The following ARB2A variants were observed in gnomAD, a reference collection of about 807,000 sequenced individuals.
ARB2A encodes cotranscriptional regulator ARB2A.
the ARB2A span, among the ~76,000 whole-genome samples, chr5:93,982,387 C>T: frequency 6.6e-6 from 1 of 152,006 alleles, no homozygotes; most frequent in Non-Finnish European, 1.5e-5. Context: ...TACCTATCTG[C>T]AGAAAGTAAA....
chr5:93,779,124 TGCGCGC>T, the ARB2A span, among the ~76,000 whole-genome samples: 35 of 146,392 alleles, frequency 2.4e-4, no homozygotes, highest in African/African-American at 8.0e-4. Context: ...TGTGTGTGTG[TGCGCGC>T]GCGCGCGCAC....
At chr5:93,805,233 C>T in the ARB2A span, 3 of 984,996 alleles carry the variant, frequency 3.0e-6, no homozygotes, top group Non-Finnish European at 3.6e-6. Flanking sequence ...ATCCTTTCTT[C>T]TATGATTTAA....
At chr5:94,071,382 A>G in the ARB2A span, among the ~76,000 whole-genome samples, 1 of 151,840 alleles carries the variant, frequency 6.6e-6, no homozygotes, top group African/African-American at 2.4e-5. Flanking sequence ...TATAAAAGAA[A>G]AAATTGATAA....
At chr5:93,648,274 C>G in the ARB2A span, among the ~76,000 whole-genome samples, 5 of 151,756 alleles carry the variant, frequency 3.3e-5, no homozygotes, top group Admixed American at 2.6e-4. Context: ...TTCAGAGTGA[C>G]AACACTAATT....
At chr5:93,784,630 A>C in the ARB2A span, 1 of 630,176 alleles carries the variant, frequency 1.6e-6, no homozygotes, top group Non-Finnish European at 2.7e-6. Context: ...GTTCAAAGTT[A>C]CTCTTTTTTT....
the ARB2A span, chr5:94,074,912 G>T: frequency 1.8e-6 from 1 of 552,210 alleles, no homozygotes; most frequent in Non-Finnish European, 3.2e-6. Flanking sequence ...ACTTATTATT[G>T]TCTGCTTTGC....
At chr5:93,953,131 T>G in the ARB2A span, among the ~76,000 whole-genome samples, 2 of 152,212 alleles carry the variant, frequency 1.3e-5, no homozygotes, top group African/African-American at 2.4e-5. Flanking sequence ...ATATCTCTGT[T>G]TCTCCAGGAT....
the ARB2A span, chr5:93,784,430 C>A: frequency 1.2e-6 from 2 of 1,613,554 alleles, no homozygotes; most frequent in Admixed American, 1.7e-5. Context: ...TGATGCCACA[C>A]ATTGTGAACA....
the ARB2A span, among the ~76,000 whole-genome samples, chr5:93,727,048 T>C: frequency 6.6e-6 from 1 of 152,032 alleles, no homozygotes. Context: ...TTTATTCTCC[T>C]GATTATGTTT....
the ARB2A span, among the ~76,000 whole-genome samples, chr5:93,925,302 T>C: frequency 7.2e-5 from 11 of 152,342 alleles, no homozygotes; most frequent in South Asian, 2.1e-4. Flanking sequence ...GAGACTATGA[T>C]AGTTAAGAAA....
the ARB2A span, among the ~76,000 whole-genome samples, chr5:93,789,691 A>G: frequency 1.3e-5 from 2 of 152,162 alleles, no homozygotes; most frequent in African/African-American, 4.8e-5. Flanking sequence ...TGCCCTGTAG[A>G]TGACTTATCA....
the ARB2A span, among the ~76,000 whole-genome samples, chr5:93,637,352 T>C: frequency 2.5e-5 from 3 of 118,918 alleles, no homozygotes; most frequent in African/African-American, 3.4e-5. Flanking sequence ...TTGGGTTGTT[T>C]AGTTTTTTTT....
chr5:93,830,316 T>TAC, the ARB2A span, among the ~76,000 whole-genome samples: 1 of 93,596 alleles, frequency 1.1e-5, no homozygotes, highest in East Asian at 4.5e-4. Context: ...TGTGTGTATA[T>TAC]ATATATATAT....
chr5:93,669,926 A>G, the ARB2A span, among the ~76,000 whole-genome samples: 6 of 152,160 alleles, frequency 3.9e-5, no homozygotes, highest in Non-Finnish European at 5.9e-5. Flanking sequence ...TATTTCCTTA[A>G]ATAAAGGTTC....
At chr5:94,009,124 A>G in the ARB2A span, among the ~76,000 whole-genome samples, 1 of 152,124 alleles carries the variant, frequency 6.6e-6, no homozygotes, top group Non-Finnish European at 1.5e-5. Flanking sequence ...ATCCTTAATC[A>G]CAAGAAATAT....
the ARB2A span, among the ~76,000 whole-genome samples, chr5:93,903,578 G>T: frequency 6.6e-6 from 1 of 151,910 alleles, no homozygotes; most frequent in Non-Finnish European, 1.5e-5. Context: ...CATTTCAGTT[G>T]TTGGTTTTCT....
At chr5:94,003,175 C>A in the ARB2A span, among the ~76,000 whole-genome samples, 1 of 151,964 alleles carries the variant, frequency 6.6e-6, no homozygotes. Flanking sequence ...CTTTTTGAAA[C>A]CAAAATACAG....
chr5:93,637,797 C>G, the ARB2A span, among the ~76,000 whole-genome samples: 1 of 152,238 alleles, frequency 6.6e-6, no homozygotes, highest in Non-Finnish European at 1.5e-5. Flanking sequence ...AAAGAGAGGT[C>G]TGGCCTTTGC....
chr5:94,016,846 G>C, the ARB2A span, among the ~76,000 whole-genome samples: 4 of 152,132 alleles, frequency 2.6e-5, no homozygotes, highest in African/African-American at 9.7e-5. Context: ...GGGTTGGGAG[G>C]CAAGAAGATG....
Sources: gnomAD v4.1 joint callset for allele counts (sites outside exome capture counted in the v4.1 genomes callset) on GRCh38, gnomAD v4.1.1 for gene constraint, MANE v1.5 for transcripts, NCBI Gene and HGNC (gene_info 2026-07-23, HGNC 2026-07-21) for gene names.